The following PCSK6 variants were observed in gnomAD, a reference collection of about 807,000 sequenced individuals.
The protein encoded by PCSK6 is proprotein convertase subtilisin/kexin type 6.
A neutral mutation model predicts 123.3 loss-of-function variants in PCSK6; 85 were observed. The ratio of observed to expected loss-of-function variants is 0.69; its 90% CI spans 0.58 to 0.83. The LOEUF is 0.83. PCSK6 is among the 40% of genes least tolerant of loss of function. The probability of loss-of-function intolerance (pLI) is 0.00; values close to 1 mark genes in which losing one functional copy is unlikely to be tolerated. For synonymous variants in PCSK6, 508 were observed against 516.0 expected, an observed-to-expected ratio of 0.98 and a Z score of 0.21; for missense variants, 1,191 against 1,282.3, an observed-to-expected ratio of 0.93 and a Z score of 1.09.
intron 1 of PCSK6, among the ~76,000 whole-genome samples, chr15:101,458,289 G>A (rs371390039): frequency 1.4e-4 from 22 of 152,308 alleles, no homozygotes; most frequent in African/African-American, 3.6e-4. Flanking sequence ...CTGTGTGTTC[G>A]CTTTGCCCCA....
At chr15:101,399,729 A>G (rs887402229) in intron 6 of PCSK6, among the ~76,000 whole-genome samples, 1 of 152,136 alleles carries the variant, frequency 6.6e-6, no homozygotes, top group African/African-American at 2.4e-5. Context: ...TCTAGTAGAT[A>G]CAGAAAGTCG....
At position 101,384,333 on chromosome 15, in the gene PCSK6, G is replaced by A. The variant is rs376876626; in HGVS notation, c.1403C>T (p.Ala468Val). 104 of 1,613,468 alleles carry A rather than the reference G, an allele frequency of 6.4e-5. No homozygotes were observed. Among genetic ancestry groups the A allele is most frequent in the Admixed American group, 8.3e-5 (5 of 59,950 alleles). The change falls in exon 10 of 22, where the codon GCG (alanine) becomes GTG (valine). Residue 468 changes from alanine to valine, a missense_variant. Transcript: ENST00000611716. The stretch of plus-strand genomic sequence containing the variant: ...CGCCACTGCCGCACCTTTATGACCC[G>A]CGCCGTTCACTTTCCAGTCGCTCGC... Reference protein sequence around the residue: ...LKASDWKVNGAGHKVSHFYGF... With the variant: ...LKASDWKVNGVGHKVSHFYGF...
chr15:101,342,913 A>AC (rs1275332868), intron 13 of PCSK6, among the ~76,000 whole-genome samples: 5 of 152,124 alleles, frequency 3.3e-5, no homozygotes, highest in African/African-American at 9.7e-5. Context: ...AAAAAAAAAA[A>AC]AACCAAACTC....
chr15:101,380,186 C>T (rs2041874983), intron 11 of PCSK6, among the ~76,000 whole-genome samples: 1 of 152,186 alleles, frequency 6.6e-6, no homozygotes, highest in African/African-American at 2.4e-5. Flanking sequence ...GCTCCCTCAA[C>T]CTGTGCTGTC....
intron 2 of PCSK6, among the ~76,000 whole-genome samples, chr15:101,438,106 A>G (rs1240386102): frequency 1.3e-5 from 2 of 152,136 alleles, no homozygotes; most frequent in South Asian, 2.1e-4. Context: ...CAGTCTTCCA[A>G]CCTTCCTAAG....
At chr15:101,358,847 CAA>C in intron 13 of PCSK6, among the ~76,000 whole-genome samples, 1 of 152,218 alleles carries the variant, frequency 6.6e-6, no homozygotes, top group Non-Finnish European at 1.5e-5. Context: ...CCATGCTGAA[CAA>C]CAAGCTCAGA....
chr15:101,348,115 C>G (rs1299356844), intron 13 of PCSK6, among the ~76,000 whole-genome samples: 2 of 152,238 alleles, frequency 1.3e-5, no homozygotes, highest in Non-Finnish European at 2.9e-5. Flanking sequence ...CAAGCCTCAC[C>G]TGGAAGTGGA....
At chr15:101,307,369 C>A (rs763460633) in intron 20 of PCSK6, 44 bp from the exon 21 acceptor site, 3 of 1,436,836 alleles carry the variant, frequency 2.1e-6, no homozygotes, top group Non-Finnish European at 2.9e-6. Context: ...GGAAGAGGCT[C>A]CACCACTCCG....
At chr15:101,436,301 G>A (rs578030868) in intron 2 of PCSK6, among the ~76,000 whole-genome samples, 2 of 152,274 alleles carry the variant, frequency 1.3e-5, no homozygotes, top group South Asian at 4.1e-4. Flanking sequence ...CGGTCCAGGG[G>A]TCCCACACAG....
At chr15:101,389,048 C>T (rs2042151949) in intron 9 of PCSK6, among the ~76,000 whole-genome samples, 1 of 152,120 alleles carries the variant, frequency 6.6e-6, no homozygotes, top group African/African-American at 2.4e-5. Context: ...TTAGGGTGGG[C>T]CCTAATCCAA....
intron 1 of PCSK6, among the ~76,000 whole-genome samples, chr15:101,476,763 A>G (rs377603490): frequency 6.6e-6 from 1 of 152,198 alleles, no homozygotes; most frequent in East Asian, 1.9e-4. Context: ...ATTCTTTACA[A>G]TGGGGGAGCA....
At chr15:101,368,789 C>T (rs969167575) in intron 12 of PCSK6, among the ~76,000 whole-genome samples, 2 of 152,174 alleles carry the variant, frequency 1.3e-5, no homozygotes, top group Non-Finnish European at 1.5e-5. Flanking sequence ...GCCCAGTGCA[C>T]GCAGGAACAC....
At chr15:101,434,357 C>G (rs376374540) in intron 2 of PCSK6, among the ~76,000 whole-genome samples, 7 of 152,218 alleles carry the variant, frequency 4.6e-5, no homozygotes, top group African/African-American at 1.7e-4. Flanking sequence ...GCCCACCAGA[C>G]CACACTTCCA....
At chr15:101,448,322 A>C (rs1471292914) in intron 1 of PCSK6, among the ~76,000 whole-genome samples, 2 of 152,192 alleles carry the variant, frequency 1.3e-5, no homozygotes, top group African/African-American at 4.8e-5. Flanking sequence ...ATGAGATCAA[A>C]GAACTCACAG....
chr15:101,316,908 C>CTTTTTTTTT (rs2040001564), intron 19 of PCSK6, among the ~76,000 whole-genome samples: 36 of 91,628 alleles, frequency 3.9e-4, no homozygotes, highest in African/African-American at 8.1e-4. Context: ...AGACTTAATT[C>CTTTTTTTTT]TGTTTTTTTT....
At chr15:101,356,138 C>T (rs1476933449) in intron 13 of PCSK6, among the ~76,000 whole-genome samples, 1 of 152,222 alleles carries the variant, frequency 6.6e-6, no homozygotes, top group Non-Finnish European at 1.5e-5. Flanking sequence ...GATGGCAACT[C>T]TCTTAAATGC....
chr15:101,395,203 T>G (rs1197915381), intron 7 of PCSK6, among the ~76,000 whole-genome samples: 1 of 152,158 alleles, frequency 6.6e-6, no homozygotes, highest in East Asian at 1.9e-4. Flanking sequence ...GCATGCAACC[T>G]TACTGCTCCA....
intron 13 of PCSK6, among the ~76,000 whole-genome samples, chr15:101,350,713 C>T (rs2040867258): frequency 6.6e-6 from 1 of 152,170 alleles, no homozygotes; most frequent in Admixed American, 6.5e-5. Flanking sequence ...CCCCCGCAAG[C>T]ATAAAGAGGA....
chr15:101,318,292 C>T (rs556117136), intron 19 of PCSK6, 27 bp downstream of exon 19: 64 of 1,510,596 alleles, frequency 4.2e-5, no homozygotes, highest in East Asian at 9.8e-5. Flanking sequence ...GACGCTGGCC[C>T]GAGGCCTCCG....
Sources: gnomAD v4.1 joint callset for allele counts (sites outside exome capture counted in the v4.1 genomes callset) on GRCh38, gnomAD v4.1.1 for gene constraint, MANE v1.5 for transcripts, NCBI Gene and HGNC (gene_info 2026-07-23, HGNC 2026-07-21) for gene names.